Variants in POMT1 observed in about 807,000 individuals in gnomAD.
POMT1 encodes protein O-mannosyltransferase 1.
In POMT1, 85 loss-of-function variants were observed where a neutral mutation model predicts 101.6. That is an observed-to-expected ratio of 0.84 (90% CI 0.70 to 1.00). The LOEUF is 1.00. Ranked by LOEUF, POMT1 falls within the 50% of genes least tolerant of loss-of-function variation. The pLI is 0.00. For missense variants in POMT1, 857 were observed against 930.4 expected (o/e 0.92, Z 1.03); for synonymous variants, 371 against 383.0 (o/e 0.97, Z 0.37).
At chr9:131,515,770 A>ACAGGCCAC (rs1564366664) in intron 13 of POMT1, among the ~76,000 whole-genome samples, 1 of 25,326 alleles carries the variant, frequency 3.9e-5, no homozygotes, top group East Asian at 2.2e-3. Context: ...TTCCTCTAAC[A>ACAGGCCAC]TGGAGCACTT....
chr9:131,517,781 T>C (rs1949024535), intron 13 of POMT1, among the ~76,000 whole-genome samples: 1 of 152,196 alleles, frequency 6.6e-6, no homozygotes, highest in South Asian at 2.1e-4. Context: ...TTCAGGTGTC[T>C]GAAGTTCATA....
At chr9:131,511,648 C>A (rs1418592172) in intron 10 of POMT1, 181 bp downstream of exon 10, 2 of 813,214 alleles carry the variant, frequency 2.5e-6, no homozygotes, top group Non-Finnish European at 3.9e-6. Flanking sequence ...AGGGACTTGG[C>A]GTGTGGCAGG....
intron 18 of POMT1, among the ~76,000 whole-genome samples, chr9:131,521,788 A>G (rs937593925): frequency 7.9e-5 from 12 of 152,224 alleles, no homozygotes; most frequent in Admixed American, 6.5e-4. Flanking sequence ...CGTATTGGGC[A>G]GGAATTGCCC....
chr9:131,509,781 C>T lies in POMT1; in HGVS notation c.578C>T (p.Thr193Ile). 6.2e-7 allele frequency: 1 copy of T among 1,614,242 alleles called. No homozygotes were observed. The change falls in exon 7 of 20, where the codon ACA becomes ATA. Residue 193 changes from threonine (T) to isoleucine (I), a missense_variant. By Grantham distance (89) the Thr-to-Ile change is moderately conservative. Transcript: ENST00000402686. Reference sequence around the variant, plus strand: ...AGCTGGTGGTTCTGGCTAACACTGACAGGGGTCGCTTGTTCCTGTGCAGTG... The same window carrying T: ...AGCTGGTGGTTCTGGCTAACACTGATAGGGGTCGCTTGTTCCTGTGCAGTG... Reference protein sequence around the residue: ...SLSWWFWLTLTGVACSCAVGI... With the variant: ...SLSWWFWLTLIGVACSCAVGI...
chr9:131,521,670 C>G lies in POMT1; in HGVS notation c.1825+198C>G, dbSNP rs7849433. 0.89 allele frequency among the ~76,000 whole-genome samples: 135,033 copies of G among 152,226 alleles called. 60,596 individuals are homozygous for G. The highest frequency in any genetic ancestry group is 0.97 in the South Asian group (4,692 of 4,834). Reference sequence around the variant, plus strand: ...GACTTCATAGGAACCTACCCCTTAACGCGGCCTCTTTGTTTCTGTATTGTG... The same window carrying G: ...GACTTCATAGGAACCTACCCCTTAAGGCGGCCTCTTTGTTTCTGTATTGTG... On this transcript the variant is annotated intron_variant, in intron 18 of 19. Transcript: ENST00000402686.
Position 131,522,467 on chromosome 9 carries a change from G to T in POMT1, c.2003+243G>T, listed in dbSNP as rs1189658930. On this transcript the variant is annotated intron_variant, in intron 19 of 19. Coordinates refer to ENST00000402686, the MANE Select transcript of POMT1 (RefSeq NM_001077365.2). This position sits in a 1 kb window ranked among gnomAD's most constrained non-coding sequence, Gnocchi z 5.5. ...CGGAGTGGGTGGGGAGACGGGGAGG[G>T]GATGAAGAGATGTGGGTGGCCTGGA... 5.2e-6 allele frequency: 4 copies of T among 775,404 alleles called. No individual in the cohort carries two copies. The highest frequency in any genetic ancestry group is 8.0e-6 in the Non-Finnish European group (4 of 500,466). 48.0% of individuals were successfully genotyped at this position (775,404 alleles called of 1,614,324 possible).
At chr9:131,511,531 T>G in intron 10 of POMT1, 64 bp downstream of exon 10, 3 of 1,599,640 alleles carry the variant, frequency 1.9e-6, no homozygotes, top group Non-Finnish European at 2.6e-6. Flanking sequence ...TTTGCTTATC[T>G]TAGCAACTTT....
chr9:131,517,235 CT>C (rs34281101), intron 13 of POMT1, among the ~76,000 whole-genome samples: 71 of 144,260 alleles, frequency 4.9e-4, no homozygotes, highest in Admixed American at 7.6e-4. Flanking sequence ...TGCTGATGTT[CT>C]TTTTTTTTTT....
chr9:131,504,029 C>G (rs1945170209), intron 1 of POMT1, among the ~76,000 whole-genome samples, 160 bp from the exon 2 acceptor site: 2 of 152,196 alleles, frequency 1.3e-5, no homozygotes, highest in African/African-American at 4.8e-5. Context: ...CCCCTCACCC[C>G]ACATGTCTAC....
intron 9 of POMT1, 77 bp downstream of exon 9, chr9:131,510,492 A>G (rs767250886): frequency 7.3e-6 from 11 of 1,502,624 alleles, no homozygotes; most frequent in Non-Finnish European, 9.2e-6. Context: ...CAAACACATC[A>G]AGTGAACATT....
chr9:131,504,240 C>T lies in POMT1; in HGVS notation c.22C>T (p.Pro8Ser). The T allele has an allele frequency of 1.2e-6, 2 of 1,614,074 alleles. No individual in the cohort carries two copies. Among genetic ancestry groups the T allele is most frequent in the Non-Finnish European group, 1.7e-6 (2 of 1,180,014 alleles). MWGFLKR[P>S]VVVTADINLS... ...CAAGATGTGGGGATTTTTGAAGCGC[C>T]CTGTAGTGGTGACGGCTGACATCAA... The change falls in exon 2 of 20, where the codon CCT becomes TCT. Residue 8 changes from proline (P) to serine (S), a missense_variant. Pro to Ser is a moderately conservative substitution (Grantham distance 74). Transcript: ENST00000402686.
In POMT1 at chr9:131,519,625, C is replaced by A; in HGVS notation, c.1584+139C>A. Reference sequence around the variant, plus strand: ...CAGGCTCACAACAGAATGAGTGTCTCCTCTCTCCAGTGTAAGGGACTGTGT... The same window carrying A: ...CAGGCTCACAACAGAATGAGTGTCTACTCTCTCCAGTGTAAGGGACTGTGT... On this transcript the variant is annotated intron_variant, in intron 16 of 19. Coordinates refer to ENST00000402686, the MANE Select transcript of POMT1 (RefSeq NM_001077365.2). This position sits in a 1 kb window ranked among gnomAD's most constrained non-coding sequence, Gnocchi z 4.3. 2 of 852,792 alleles carry A rather than the reference C, an allele frequency of 2.3e-6. No homozygotes were observed. Among genetic ancestry groups the A allele is most frequent in the Middle Eastern group, 3.1e-4 (1 of 3,248 alleles). The allele number at this position is 852,792 out of a possible 1,614,324, so 52.8% of individuals were successfully genotyped here. A position where few individuals can be genotyped will look rare whatever the true frequency, so the allele number is the denominator to read the frequency against.
rs1394876880 is a variant in POMT1 at position 131,503,990 on chromosome 9, T to TGG, written c.-30-198_-30-197insGG. ...GTGAATGTCCAGTCCTGAGATCCCCTGAATTCCCACCCGAGTTCACTGCTA... is the reference window on the plus strand; with the variant it reads ...GTGAATGTCCAGTCCTGAGATCCCCTGGGAATTCCCACCCGAGTTCACTGCTA... On this transcript the variant is annotated intron_variant, in intron 1 of 19. Transcript: ENST00000402686. The surrounding 1 kb of genome is among the most constrained non-coding windows in gnomAD (Gnocchi z 4.4). Among the ~76,000 whole-genome samples the TGG allele has an allele frequency of 5.3e-5, 8 of 152,178 alleles. No homozygotes were observed. Among genetic ancestry groups the TGG allele is most frequent in the Non-Finnish European group, 1.0e-4 (7 of 68,024 alleles).
intron 11 of POMT1, 93 bp downstream of exon 11, chr9:131,512,229 C>G: frequency 6.4e-7 from 1 of 1,551,216 alleles, no homozygotes; most frequent in Non-Finnish European, 8.7e-7. Context: ...CCTTCTTTCC[C>G]TCCCTCACTG....
Position 131,523,120 on chromosome 9 carries a change from C to G in POMT1, c.*14C>G, listed in dbSNP as rs878900747. The G allele has an allele frequency of 1.9e-6, 3 of 1,608,986 alleles. No individual in the cohort carries two copies. In the South Asian group the frequency reaches 3.3e-5, roughly 18 times the overall value. On this transcript the variant is annotated 3_prime_UTR_variant, in exon 20 of 20. Coordinates refer to ENST00000402686, the MANE Select transcript of POMT1 (RefSeq NM_001077365.2). ...CGAAAACACTAGAACAAGAGTGTGGCAAAGAACACCCGTGCTGGGGTCGGG... is the reference window on the plus strand; with the variant it reads ...CGAAAACACTAGAACAAGAGTGTGGGAAAGAACACCCGTGCTGGGGTCGGG...
chr9:131,506,959 C>A (rs538541655), intron 4 of POMT1, among the ~76,000 whole-genome samples: 1 of 151,562 alleles, frequency 6.6e-6, no homozygotes, highest in East Asian at 1.9e-4. Context: ...CCCAGCAACT[C>A]GGGAGGCTGA....
Position 131,523,447 on chromosome 9 carries a change from TTGC to T in POMT1, c.*343_*345del, listed in dbSNP as rs1327343370. The T allele has an allele frequency of 5.6e-6, 2 of 359,408 alleles. No homozygotes were observed. The highest frequency in any genetic ancestry group is 1.1e-5 in the Non-Finnish European group (2 of 186,126). The allele number at this position is 359,408 out of a possible 1,614,324, so 22.3% of individuals were successfully genotyped here. A position where few individuals can be genotyped will look rare whatever the true frequency, so the allele number is the denominator to read the frequency against. On this transcript the variant is annotated 3_prime_UTR_variant, in exon 20 of 20. Coordinates refer to ENST00000402686, the MANE Select transcript of POMT1 (RefSeq NM_001077365.2). ...GCCTCAGCAGACCAGGGCCTGGTCC[TTGC>T]TAACTGCTGCAGGGTGGAGTTTGAT... is the stretch of plus-strand genomic sequence containing the variant.
Position 131,522,855 on chromosome 9 carries a change from G to A in POMT1, c.2004-77G>A. 1 of 1,424,416 alleles carries A rather than the reference G, an allele frequency of 7.0e-7. No individual in the cohort carries two copies. The highest frequency in any genetic ancestry group is 9.6e-7 in the Non-Finnish European group (1 of 1,046,006). The allele number at this position is 1,424,416 out of a possible 1,614,324, so 88.2% of individuals were successfully genotyped here. On this transcript the variant is annotated intron_variant, in intron 19 of 19. Coordinates refer to ENST00000402686, the MANE Select transcript of POMT1 (RefSeq NM_001077365.2). This position sits in a 1 kb window ranked among gnomAD's most constrained non-coding sequence, Gnocchi z 5.5. ...GCCTCGGGGGGTGACCGTGTGGACA[G>A]CAGATGCCAAGAGGGTGCCGGGCAG...
At position 131,523,756 on chromosome 9, in the gene POMT1, G is replaced by A. The variant is rs1950405215; in HGVS notation, c.*650G>A. 1.3e-5 allele frequency: 2 copies of A among 153,324 alleles called. No homozygotes were observed. Among genetic ancestry groups the A allele is most frequent in the Admixed American group, 1.3e-4 (2 of 15,502 alleles). 9.5% of individuals were successfully genotyped at this position (153,324 alleles called of 1,614,324 possible). A position where few individuals can be genotyped will look rare whatever the true frequency, so the allele number is the denominator to read the frequency against. On this transcript the variant is annotated 3_prime_UTR_variant, in exon 20 of 20. Coordinates refer to ENST00000402686, the MANE Select transcript of POMT1 (RefSeq NM_001077365.2). ...AGGTGTGTCATCCATACAGCTCCATGCCTTTGTCTTTTTTAAATGTAATTA... is the reference window on the plus strand; with the variant it reads ...AGGTGTGTCATCCATACAGCTCCATACCTTTGTCTTTTTTAAATGTAATTA...
Sources: gnomAD v4.1 joint callset for allele counts (sites outside exome capture counted in the v4.1 genomes callset) on GRCh38, gnomAD v4.1.1 for gene constraint, Gnocchi (gnomAD v3.1) non-coding constraint, MANE v1.5 for transcripts, NCBI Gene and HGNC (gene_info 2026-07-23, HGNC 2026-07-21) for gene names.